The following HS3ST2 variants were observed in gnomAD, a reference collection of about 807,000 sequenced individuals.
HS3ST2 encodes heparan sulfate glucosamine 3-O-sulfotransferase 2.
HS3ST2 carries 17 observed loss-of-function variants against 26.3 expected under a neutral mutation model. The observed-to-expected ratio is 0.65, with a 90% CI of 0.44 to 0.97. The LOEUF (loss-of-function observed/expected upper bound fraction) is 0.97, where lower values mean the gene tolerates loss of function less well. HS3ST2 is among the 50% of genes least tolerant of loss of function. The pLI, the probability that HS3ST2 is intolerant of heterozygous loss-of-function variation, is 0.00. For missense variants in HS3ST2, 402 were observed against 501.2 expected (o/e 0.80, Z 1.89); for synonymous variants, 237 against 219.2 (o/e 1.08, Z -0.72).
intron 1 of HS3ST2, among the ~76,000 whole-genome samples, chr16:22,890,103 A>C (rs889271863): frequency 2.6e-5 from 4 of 152,156 alleles, no homozygotes; most frequent in Admixed American, 2.0e-4. Context: ...AAAGCTTCGG[A>C]TATCTCTCCT....
intron 1 of HS3ST2, among the ~76,000 whole-genome samples, chr16:22,913,300 G>A (rs1410753265): frequency 6.6e-6 from 1 of 152,080 alleles, no homozygotes. Flanking sequence ...AACCAGGGAT[G>A]CTCCCGTCCA....
chr16:22,909,221 G>A (rs1902391750), intron 1 of HS3ST2, among the ~76,000 whole-genome samples: 1 of 152,160 alleles, frequency 6.6e-6, no homozygotes, highest in Admixed American at 6.5e-5. Flanking sequence ...AGTCCTCAAG[G>A]AAAAATCTGG....
chr16:22,901,184 G>T (rs1385989365), intron 1 of HS3ST2, among the ~76,000 whole-genome samples: 1 of 152,196 alleles, frequency 6.6e-6, no homozygotes, highest in African/African-American at 2.4e-5. Flanking sequence ...CACATGGCCA[G>T]GAAAAGGAAA....
rs184090584 is a variant in HS3ST2 at position 22,887,001 on chromosome 16, C to T, written c.486-27943C>T. Reference sequence around the variant, plus strand: ...TCCTGACCTCAAGTGATCCTCCTGCCTCTGCCTTCCAAAGCACTGGGATTA... The same window carrying T: ...TCCTGACCTCAAGTGATCCTCCTGCTTCTGCCTTCCAAAGCACTGGGATTA... On this transcript the variant is annotated intron_variant, in intron 1 of 1. Transcript: ENST00000261374. Among the ~76,000 whole-genome samples the T allele has an allele frequency of 1.2e-3, 176 of 152,308 alleles. 2 individuals are homozygous for T. The highest frequency in any genetic ancestry group is 4.4e-3 in the Admixed American group (67 of 15,302).
intron 1 of HS3ST2, among the ~76,000 whole-genome samples, chr16:22,902,514 T>C (rs1173502214): frequency 6.6e-6 from 1 of 152,218 alleles, no homozygotes; most frequent in Non-Finnish European, 1.5e-5. Context: ...AATACTGCAA[T>C]GAACACCTGG....
At chr16:22,872,959 G>A (rs954924108) in intron 1 of HS3ST2, among the ~76,000 whole-genome samples, 4 of 152,032 alleles carry the variant, frequency 2.6e-5, no homozygotes, top group Non-Finnish European at 5.9e-5. Context: ...TCAAATCATG[G>A]CTCAACCTCT....
chr16:22,875,911 T>A (rs1018497784), intron 1 of HS3ST2, among the ~76,000 whole-genome samples: 1 of 152,210 alleles, frequency 6.6e-6, no homozygotes, highest in African/African-American at 2.4e-5. Context: ...TTGCCTACAG[T>A]ATTCAGGACA....
intron 1 of HS3ST2, among the ~76,000 whole-genome samples, chr16:22,837,513 A>G (rs28422815): frequency 0.019 from 2,758 of 146,838 alleles, 85 homozygotes; most frequent in African/African-American, 0.062. Flanking sequence ...ATATATGTGT[A>G]TATATATACA....
chr16:22,886,737 T>C (rs1314190778), intron 1 of HS3ST2, among the ~76,000 whole-genome samples: 1 of 152,042 alleles, frequency 6.6e-6, no homozygotes, highest in African/African-American at 2.4e-5. Flanking sequence ...ACATTTTTAG[T>C]GTTACTGTGG....
At chr16:22,817,231 A>G (rs190245096) in intron 1 of HS3ST2, among the ~76,000 whole-genome samples, 132 of 151,834 alleles carry the variant, frequency 8.7e-4, no homozygotes, top group Non-Finnish European at 1.4e-3. Context: ...CTCCCCCTCT[A>G]CCACCTTTCC....
chr16:22,827,105 A>G (rs1309274166), intron 1 of HS3ST2, among the ~76,000 whole-genome samples: 1 of 152,134 alleles, frequency 6.6e-6, no homozygotes, highest in African/African-American at 2.4e-5. Context: ...GAAGGAGGTG[A>G]GGAGGCAAAA....
At chr16:22,847,848 G>T (rs746869222) in intron 1 of HS3ST2, among the ~76,000 whole-genome samples, 3 of 147,310 alleles carry the variant, frequency 2.0e-5, no homozygotes, top group Non-Finnish European at 4.5e-5. Context: ...GAAAAGGAAG[G>T]AAGGAAGGAG....
At chr16:22,825,299 C>T (rs772363585) in intron 1 of HS3ST2, among the ~76,000 whole-genome samples, 6 of 152,136 alleles carry the variant, frequency 3.9e-5, no homozygotes, top group African/African-American at 7.2e-5. Context: ...ACATCTGTGG[C>T]GCATGAGAGG....
chr16:22,814,545 G>A lies in HS3ST2; in HGVS notation c.-66G>A, dbSNP rs1900822660. ...CGCGAGCCCTCTAGGCGACCGCAGG[G>A]CCACAGCAGCTCAGCCGCCGGTGCC... On this transcript the variant is annotated 5_prime_UTR_variant, in exon 1 of 2. Transcript: ENST00000261374. 2.8e-6 allele frequency: 4 copies of A among 1,435,564 alleles called. No individual in the cohort carries two copies. Among genetic ancestry groups the A allele is most frequent in the East Asian group, 2.7e-5 (1 of 37,172 alleles). The allele number at this position is 1,435,564 out of a possible 1,614,324, so 88.9% of individuals were successfully genotyped here.
intron 1 of HS3ST2, among the ~76,000 whole-genome samples, chr16:22,882,876 CAA>C (rs904277436): frequency 2.6e-5 from 4 of 150,958 alleles, no homozygotes; most frequent in Admixed American, 1.3e-4. Flanking sequence ...ACTAAAAACA[CAA>C]AAGTTAGCCA....
At chr16:22,879,931 C>T (rs926569642) in intron 1 of HS3ST2, among the ~76,000 whole-genome samples, 2 of 152,084 alleles carry the variant, frequency 1.3e-5, no homozygotes, top group African/African-American at 4.8e-5. Context: ...CTGTGATTTC[C>T]AACTATAGAC....
chr16:22,849,883 C>T (rs1490246772), intron 1 of HS3ST2, among the ~76,000 whole-genome samples: 3 of 152,150 alleles, frequency 2.0e-5, no homozygotes, highest in African/African-American at 7.2e-5. Flanking sequence ...CTGGGATTCC[C>T]TCTCTCATTA....
chr16:22,862,074 G>C (rs1219382399), intron 1 of HS3ST2, among the ~76,000 whole-genome samples: 1 of 152,174 alleles, frequency 6.6e-6, no homozygotes, highest in Non-Finnish European at 1.5e-5. Context: ...ATGAGTAGGG[G>C]TTTTTCTCTG....
At chr16:22,892,176 G>T (rs1408066908) in intron 1 of HS3ST2, among the ~76,000 whole-genome samples, 2 of 151,326 alleles carry the variant, frequency 1.3e-5, no homozygotes, top group Admixed American at 1.3e-4. Flanking sequence ...TATAGTCCCA[G>T]CTACTCAGGA....
Sources: gnomAD v4.1 joint callset for allele counts (sites outside exome capture counted in the v4.1 genomes callset) on GRCh38, gnomAD v4.1.1 for gene constraint, MANE v1.5 for transcripts, NCBI Gene and HGNC (gene_info 2026-07-23, HGNC 2026-07-21) for gene names.